Variants in PHAF1 observed in about 807,000 individuals in gnomAD.
PHAF1 encodes the protein phagosome assembly factor 1.
In PHAF1, 23 loss-of-function variants were observed where a neutral mutation model predicts 63.1. The observed-to-expected ratio is 0.36, with a 90% CI of 0.26 to 0.52. The LOEUF (loss-of-function observed/expected upper bound fraction) is 0.52, where lower values mean the gene tolerates loss of function less well. Among genes scored for constraint, PHAF1 ranks in the 20% least tolerant of loss-of-function variants. The pLI is 0.93. For synonymous variants in PHAF1, 167 were observed against 185.0 expected, an observed-to-expected ratio of 0.90 and a Z score of 0.79; for missense variants, 427 against 517.2, an observed-to-expected ratio of 0.83 and a Z score of 1.69.
At position 67,110,143 on chromosome 16, in the gene PHAF1, A is replaced by T; in HGVS notation, c.-33A>T. ...GCTCGGGTCCCTTCTGCGCTGCCGC[A>T]GGGAGGCCGCCCGGGCCAGGCGAGC... On this transcript the variant is annotated 5_prime_UTR_variant, in exon 1 of 16. Transcript: ENST00000219139. 1 of 1,549,850 alleles carries T rather than the reference A, an allele frequency of 6.5e-7. No individual in the cohort carries two copies.
At chr16:67,141,281 G>A (rs1304413165) in intron 10 of PHAF1, among the ~76,000 whole-genome samples, 2 of 152,182 alleles carry the variant, frequency 1.3e-5, no homozygotes, top group African/African-American at 4.8e-5. Context: ...CCAAACACAG[G>A]AGCCAAGAGT....
At chr16:67,116,122 T>C (rs2145820413) in intron 1 of PHAF1, among the ~76,000 whole-genome samples, 1 of 152,372 alleles carries the variant, frequency 6.6e-6, no homozygotes, top group Middle Eastern at 3.4e-3. Flanking sequence ...CTCCTGGGAA[T>C]GACAGCATAG....
At chr16:67,140,841 G>T (rs951666300) in intron 10 of PHAF1, among the ~76,000 whole-genome samples, 2 of 152,244 alleles carry the variant, frequency 1.3e-5, no homozygotes, top group African/African-American at 4.8e-5. Flanking sequence ...AGGGAAACAT[G>T]TTCCACAGAT....
At chr16:67,134,670 C>A in intron 8 of PHAF1, 2 of 671,902 alleles carry the variant, frequency 3.0e-6, no homozygotes, top group South Asian at 3.0e-5. Context: ...CTGGCAGATT[C>A]AGTATCTGGA....
At chr16:67,137,117 C>T (rs928298995) in intron 8 of PHAF1, among the ~76,000 whole-genome samples, 12 of 151,514 alleles carry the variant, frequency 7.9e-5, no homozygotes, top group African/African-American at 1.7e-4. Context: ...ATAGCGCCAC[C>T]GCGCTCCAGC....
chr16:67,126,656 T>C (rs1963206790), intron 3 of PHAF1, among the ~76,000 whole-genome samples: 2 of 150,022 alleles, frequency 1.3e-5, no homozygotes, highest in Non-Finnish European at 3.0e-5. Context: ...GTGCAGTGGC[T>C]TGATCTTGGC....
chr16:67,134,943 G>A, intron 8 of PHAF1: 1 of 336,190 alleles, frequency 3.0e-6, no homozygotes, highest in Non-Finnish European at 5.9e-6. Context: ...TGATGCAGAT[G>A]TTTATGGTTA....
At chr16:67,126,136 A>C (rs147740726) in intron 3 of PHAF1, 94 bp downstream of exon 3, 9 of 971,174 alleles carry the variant, frequency 9.3e-6, no homozygotes, top group Non-Finnish European at 1.3e-5. Flanking sequence ...TTCAAAACTT[A>C]TAAGTAGGTG....
chr16:67,145,532 T>C (rs757344333), intron 13 of PHAF1, 38 bp from the exon 14 acceptor site: 4 of 1,613,568 alleles, frequency 2.5e-6, no homozygotes, highest in Admixed American at 1.7e-5. Flanking sequence ...CATGTTCATG[T>C]CCCTACTAAC....
chr16:67,123,061 A>G (rs547913630), intron 2 of PHAF1, among the ~76,000 whole-genome samples: 6 of 148,528 alleles, frequency 4.0e-5, no homozygotes, highest in Non-Finnish European at 7.4e-5. Context: ...TCAAAAGGAG[A>G]TGGTCTCTCA....
chr16:67,123,673 G>T (rs1963073900), intron 2 of PHAF1, among the ~76,000 whole-genome samples: 1 of 152,144 alleles, frequency 6.6e-6, no homozygotes, highest in South Asian at 2.1e-4. Flanking sequence ...CTCCCAAAGT[G>T]CTGGCATGAA....
chr16:67,124,755 C>T (rs1465744353), intron 2 of PHAF1, among the ~76,000 whole-genome samples: 6 of 151,812 alleles, frequency 4.0e-5, no homozygotes, highest in Non-Finnish European at 8.8e-5. Context: ...TACAAAAAGT[C>T]AGCCGGGCGT....
chr16:67,117,956 T>A (rs1363141497), intron 1 of PHAF1, among the ~76,000 whole-genome samples: 6 of 100,108 alleles, frequency 6.0e-5, no homozygotes, highest in Non-Finnish European at 1.0e-4. Context: ...GCCTGGCTGA[T>A]TTTTTTTTTT....
chr16:67,134,138 CT>C, intron 6 of PHAF1, 29 bp from the exon 7 acceptor site: 1 of 1,574,192 alleles, frequency 6.4e-7, no homozygotes, highest in Admixed American at 1.7e-5. Context: ...CTGTTGTGCC[CT>C]AAGTAAAACT....
At chr16:67,117,199 A>ATTTTTTTTTTTTTTT (rs750308105) in intron 1 of PHAF1, among the ~76,000 whole-genome samples, 29 of 111,950 alleles carry the variant, frequency 2.6e-4, no homozygotes, top group South Asian at 1.2e-3. Flanking sequence ...TGCCCAGCTA[A>ATTTTTTTTTTTTTTT]TTTTTTTTTT....
chr16:67,126,495 A>C (rs1354591965), intron 3 of PHAF1, among the ~76,000 whole-genome samples: 3 of 152,228 alleles, frequency 2.0e-5, no homozygotes, highest in East Asian at 1.9e-4. Context: ...AAATGTAAAA[A>C]AACAACTTAC....
At chr16:67,113,963 A>G (rs1175993555) in intron 1 of PHAF1, among the ~76,000 whole-genome samples, 2 of 152,022 alleles carry the variant, frequency 1.3e-5, no homozygotes, top group Non-Finnish European at 2.9e-5. Flanking sequence ...TCGGCTCCCA[A>G]AGTGCTGGGA....
chr16:67,110,391 C>T (rs957512261), intron 1 of PHAF1, 152 bp downstream of exon 1: 2 of 826,992 alleles, frequency 2.4e-6, no homozygotes, highest in Admixed American at 5.1e-5. Flanking sequence ...CACTAGATAC[C>T]CGCTCCAACT....
chr16:67,113,538 C>G (rs551793651), intron 1 of PHAF1, among the ~76,000 whole-genome samples: 2 of 151,274 alleles, frequency 1.3e-5, no homozygotes, highest in South Asian at 4.2e-4. Flanking sequence ...CAAGCTCCAC[C>G]TCCCAGGTTC....
Sources: allele counts gnomAD v4.1 joint callset (sites outside exome capture counted in the v4.1 genomes callset), GRCh38; gene constraint gnomAD v4.1.1; transcripts MANE v1.5; gene names NCBI Gene and HGNC (gene_info 2026-07-23, HGNC 2026-07-21).